Variants in EVA1A observed in about 807,000 individuals in gnomAD.
The protein encoded by EVA1A is protein eva-1 homolog A.
EVA1A carries 7 observed loss-of-function variants against 9.8 expected under a neutral mutation model. The observed-to-expected ratio is 0.71, with a 90% CI of 0.41 to 1.34. The LOEUF (loss-of-function observed/expected upper bound fraction) is 1.34, where lower values mean the gene tolerates loss of function less well. Among genes scored for constraint, EVA1A ranks in the 40% most tolerant of loss-of-function variants. EVA1A has a pLI of 0.01. For missense variants in EVA1A, 206 were observed against 205.9 expected (o/e 1.00, Z 0.00); for synonymous variants, 90 against 85.6 (o/e 1.05, Z -0.28).
intron 1 of EVA1A, among the ~76,000 whole-genome samples, chr2:75,540,507 C>A (rs1311215754): frequency 6.6e-6 from 1 of 152,182 alleles, no homozygotes; most frequent in Non-Finnish European, 1.5e-5. Context: ...CTTCAGCCTA[C>A]CCAGAGGAAT....
intron 1 of EVA1A, among the ~76,000 whole-genome samples, chr2:75,525,742 G>C (rs6749976): frequency 6.6e-6 from 1 of 152,156 alleles, no homozygotes; most frequent in South Asian, 2.1e-4. Flanking sequence ...AAAAATCTTT[G>C]TCTTGATTTG....
At chr2:75,520,716 A>C (rs1675202907) in intron 2 of EVA1A, among the ~76,000 whole-genome samples, 1 of 152,180 alleles carries the variant, frequency 6.6e-6, no homozygotes. Context: ...AAAGACCTAA[A>C]TGTAACAGCT....
chr2:75,517,167 A>C (rs1675039314), intron 3 of EVA1A, among the ~76,000 whole-genome samples: 1 of 152,148 alleles, frequency 6.6e-6, no homozygotes, highest in African/African-American at 2.4e-5. Flanking sequence ...CACTTGGCTC[A>C]GAATTGCCAC....
chr2:75,534,537 G>A (rs77701843), intron 1 of EVA1A, among the ~76,000 whole-genome samples: 2,314 of 148,886 alleles, frequency 0.016, 55 homozygotes, highest in African/African-American at 0.055. Flanking sequence ...CAAACAAAAA[G>A]CAGAAGACAA....
chr2:75,512,655 G>A (rs1210155483), intron 3 of EVA1A, among the ~76,000 whole-genome samples: 1 of 152,118 alleles, frequency 6.6e-6, no homozygotes, highest in Non-Finnish European at 1.5e-5. Flanking sequence ...CTTCAGAGTG[G>A]GATGCCTCAA....
At chr2:75,520,080 A>G (rs1203424958) in intron 2 of EVA1A, among the ~76,000 whole-genome samples, 1 of 152,086 alleles carries the variant, frequency 6.6e-6, no homozygotes, top group African/African-American at 2.4e-5. Context: ...CTCCTAATGT[A>G]TCTCCTATCC....
chr2:75,513,796 A>C (rs1434142001), intron 3 of EVA1A, among the ~76,000 whole-genome samples: 1 of 152,240 alleles, frequency 6.6e-6, no homozygotes, highest in Non-Finnish European at 1.5e-5. Flanking sequence ...AGAAAGAAAA[A>C]GACAGGCCTC....
At chr2:75,514,388 A>G (rs915452280) in intron 3 of EVA1A, among the ~76,000 whole-genome samples, 1 of 152,186 alleles carries the variant, frequency 6.6e-6, no homozygotes, top group African/African-American at 2.4e-5. Context: ...TAGCACAACC[A>G]AATAGTTATT....
At chr2:75,493,693 C>T in intron 3 of EVA1A, 84 bp from the exon 4 acceptor site, 2 of 1,328,362 alleles carry the variant, frequency 1.5e-6, no homozygotes, top group Non-Finnish European at 2.0e-6. Context: ...GCCTACACTT[C>T]TCACCAGGCC....
At chr2:75,541,809 G>A (rs80162215) in intron 1 of EVA1A, 3,061 of 152,416 alleles carry the variant, frequency 0.02, 89 homozygotes, top group African/African-American at 0.062. Flanking sequence ...CTTCCTCTCC[G>A]TTGTCCGGAA....
At chr2:75,526,511 A>G (rs1675444652) in intron 1 of EVA1A, among the ~76,000 whole-genome samples, 1 of 152,216 alleles carries the variant, frequency 6.6e-6, no homozygotes, top group Admixed American at 6.5e-5. Context: ...TTCAGATGGG[A>G]AAACTGAGCT....
At chr2:75,542,535 T>C (rs1489378297) in intron 1 of EVA1A, 1 of 152,278 alleles carries the variant, frequency 6.6e-6, no homozygotes, top group East Asian at 1.9e-4. Context: ...TTGGCATGTG[T>C]TTTCCTGCAT....
chr2:75,536,496 T>C (rs1328463578), intron 1 of EVA1A, among the ~76,000 whole-genome samples: 5 of 152,018 alleles, frequency 3.3e-5, no homozygotes, highest in African/African-American at 7.2e-5. Flanking sequence ...AAGTAGACTT[T>C]AGAGCAAAGA....
At chr2:75,562,709 C>T (rs1315327502), upstream of EVA1A, among the ~76,000 whole-genome samples, 1 of 152,194 alleles carries the variant, frequency 6.6e-6, no homozygotes, top group Non-Finnish European at 1.5e-5. Flanking sequence ...CAGAGCTCCC[C>T]CTAACTCTCC....
intron 2 of EVA1A, among the ~76,000 whole-genome samples, chr2:75,521,820 G>C (rs1306599718): frequency 1.3e-5 from 2 of 152,166 alleles, no homozygotes; most frequent in Non-Finnish European, 2.9e-5. Flanking sequence ...TTAAGATGAC[G>C]AATTTTGTTA....
intron 3 of EVA1A, among the ~76,000 whole-genome samples, chr2:75,508,005 T>C (rs1674678217): frequency 6.6e-6 from 1 of 152,196 alleles, no homozygotes; most frequent in Admixed American, 6.5e-5. Flanking sequence ...TTTACTGCAA[T>C]CTCTAAACAT....
chr2:75,513,566 T>G (rs1674893926), intron 3 of EVA1A, among the ~76,000 whole-genome samples: 1 of 152,218 alleles, frequency 6.6e-6, no homozygotes, highest in South Asian at 2.1e-4. Flanking sequence ...AATCAGTATC[T>G]TTAGAGATAT....
intron 3 of EVA1A, among the ~76,000 whole-genome samples, chr2:75,504,537 C>T (rs956257270): frequency 6.6e-6 from 1 of 152,202 alleles, no homozygotes; most frequent in Admixed American, 6.5e-5. Context: ...CTTCCTTTTC[C>T]TTCCATCTCT....
At chr2:75,555,676 G>C (rs555791909) in intron 1 of EVA1A, among the ~76,000 whole-genome samples, 1 of 152,192 alleles carries the variant, frequency 6.6e-6, no homozygotes, top group Admixed American at 6.5e-5. Flanking sequence ...CAGCACACCT[G>C]AGCTTTAAAT....
Sources: gnomAD v4.1 joint callset for allele counts (sites outside exome capture counted in the v4.1 genomes callset) on GRCh38, gnomAD v4.1.1 for gene constraint, MANE v1.5 for transcripts, NCBI Gene and HGNC (gene_info 2026-07-23, HGNC 2026-07-21) for gene names.